The following DOCK4 variants were observed in gnomAD, a reference collection of about 807,000 sequenced individuals.
DOCK4 encodes dedicator of cytokinesis protein 4.
Under a neutral mutation model 268.1 loss-of-function variants are expected in DOCK4, and 97 were observed. The observed-to-expected ratio is 0.36, with a 90% CI of 0.31 to 0.43. DOCK4 has a LOEUF of 0.43. Ranked by LOEUF, DOCK4 falls within the 20% of genes least tolerant of loss-of-function variation. DOCK4 has a pLI of 1.00. For missense variants in DOCK4, 2,145 were observed against 2,455.7 expected, an observed-to-expected ratio of 0.87 and a Z score of 2.67; for synonymous variants, 954 against 887.2, an observed-to-expected ratio of 1.08 and a Z score of -1.34.
chr7:111,733,578 T>C lies in DOCK4; in HGVS notation c.5420-1291A>G, dbSNP rs535959002. 4.6e-5 allele frequency among the ~76,000 whole-genome samples: 7 copies of C among 152,304 alleles called. No homozygotes were observed. In the East Asian group the frequency reaches 1.4e-3, roughly 29 times the overall value. ...TGCCTTAACGGTGGTAGAAAGTTGA[T>C]TGTTCCCTAGGACCCTCTTCCTCCT... On this transcript the variant is annotated intron_variant, in intron 51 of 52. Transcript: ENST00000428084.
intron 12 of DOCK4, among the ~76,000 whole-genome samples, chr7:111,918,232 C>T (rs143386342): frequency 6.8e-4 from 103 of 152,266 alleles, no homozygotes; most frequent in African/African-American, 1.9e-3. Flanking sequence ...TCACACTTTC[C>T]GGTTTGTGTA....
chr7:112,138,834 G>A (rs1026289952), intron 1 of DOCK4, among the ~76,000 whole-genome samples: 1 of 152,114 alleles, frequency 6.6e-6, no homozygotes, highest in Admixed American at 6.6e-5. Context: ...GGCAGAGAAA[G>A]ATCTCTCTCC....
At chr7:111,898,789 TA>T (rs1159227122) in intron 15 of DOCK4, among the ~76,000 whole-genome samples, 3 of 152,082 alleles carry the variant, frequency 2.0e-5, no homozygotes, top group Admixed American at 2.0e-4. Context: ...TTATGAAGAT[TA>T]AAAGAAAAAA....
At chr7:111,848,375 C>T (rs1034609321) in intron 23 of DOCK4, among the ~76,000 whole-genome samples, 6 of 152,200 alleles carry the variant, frequency 3.9e-5, no homozygotes, top group Admixed American at 2.0e-4. Context: ...AAGGACCCCA[C>T]GCTTGGTGAA....
Position 112,143,428 on chromosome 7 carries a change from A to T in DOCK4, c.37+62674T>A, listed in dbSNP as rs188168163. Among the ~76,000 whole-genome samples the T allele has an allele frequency of 3.9e-4, 59 of 152,328 alleles. 1 individual carries two copies. The highest frequency in any genetic ancestry group is 8.5e-4 in the Admixed American group (13 of 15,304). On this transcript the variant is annotated intron_variant, in intron 1 of 52. Coordinates refer to ENST00000428084, the MANE Select transcript of DOCK4 (RefSeq NM_001363540.2). The stretch of plus-strand genomic sequence containing the variant: ...TGAATATTTATAAACCAAGACAAGC[A>T]GACGTCATTTAAATTGAAAAGGCAA...
In DOCK4 at chr7:111,868,014, G is replaced by C. The variant is rs1806115923; in HGVS notation, c.2250C>G (p.Ser750Arg). Residue 750 changes from serine (S) to arginine (R), a missense_variant, in exon 22 of 53, where the codon AGC becomes AGG. Physicochemically the swap from Ser to Arg is moderately radical, Grantham distance 110 (BLOSUM62 -1). Coordinates refer to ENST00000428084, the MANE Select transcript of DOCK4 (RefSeq NM_001363540.2). ...MSVRFFLSQESKGSGALSQSQ... is the reference protein window; with the variant it reads ...MSVRFFLSQERKGSGALSQSQ... ...ACTGAGATAATGCTCCAGACCCTTT[G>C]CTCTCTTGCGAAAGAAAGAAACGGA... 1.9e-6 allele frequency: 3 copies of C among 1,611,768 alleles called. No individual in the cohort carries two copies. Among genetic ancestry groups the C allele is most frequent in the Non-Finnish European group, 2.5e-6 (3 of 1,179,052 alleles).
intron 1 of DOCK4, among the ~76,000 whole-genome samples, chr7:112,107,965 A>G (rs974722057): frequency 6.6e-6 from 1 of 152,332 alleles, no homozygotes; most frequent in Admixed American, 6.5e-5. Context: ...CATAAAAGAG[A>G]AATCATCAAC....
intron 30 of DOCK4, among the ~76,000 whole-genome samples, chr7:111,804,929 C>T (rs1800565145): frequency 6.6e-6 from 1 of 152,104 alleles, no homozygotes; most frequent in Admixed American, 6.6e-5. Context: ...TATTTTACCA[C>T]AATTAAAAAA....
intron 36 of DOCK4, among the ~76,000 whole-genome samples, chr7:111,777,156 C>T (rs774559738): frequency 4.6e-5 from 7 of 152,146 alleles, no homozygotes; most frequent in Non-Finnish European, 1.0e-4. Context: ...ATATTTCTTG[C>T]TAGACACCAT....
chr7:111,774,834 A>G (rs1313111453), intron 36 of DOCK4, among the ~76,000 whole-genome samples: 1 of 152,228 alleles, frequency 6.6e-6, no homozygotes, highest in Non-Finnish European at 1.5e-5. Context: ...TAAATAATTT[A>G]GGCTGTGGTC....
At position 111,765,138 on chromosome 7, in the gene DOCK4, T is replaced by G; in HGVS notation, c.4000A>C (p.Lys1334Gln). 2 of 1,531,854 alleles carry G rather than the reference T, an allele frequency of 1.3e-6. No individual in the cohort carries two copies. The highest frequency in any genetic ancestry group is 1.8e-6 in the Non-Finnish European group (2 of 1,141,904). The allele number at this position is 1,531,854 out of a possible 1,614,324, so 94.9% of individuals were successfully genotyped here. Residue 1334 changes from lysine to glutamine, a missense_variant, in exon 39 of 53, where the codon AAA becomes CAA. Transcript: ENST00000428084. ...EFFRVGFYGK[K>Q]FPFFLRNKEF... is the part of the protein sequence containing the mutation. ...CTTACTCTTAAGAAAAATGGAAATT[T>G]TTTTCCATAAAATCCAACTCTGAAG...
intron 22 of DOCK4, among the ~76,000 whole-genome samples, chr7:111,865,525 A>T (rs371913194): frequency 2.0e-5 from 3 of 152,242 alleles, no homozygotes; most frequent in African/African-American, 7.2e-5. Flanking sequence ...ATTCAGAGCC[A>T]AATTTTATTT....
At chr7:111,869,417 C>G (rs1479236020) in intron 21 of DOCK4, 157 bp downstream of exon 21, 6 of 658,626 alleles carry the variant, frequency 9.1e-6, no homozygotes, top group African/African-American at 1.8e-5. Context: ...CAAATTTCAT[C>G]AGCTCTCAAG....
chr7:112,126,622 A>G (rs2116006626), intron 1 of DOCK4, among the ~76,000 whole-genome samples: 1 of 152,344 alleles, frequency 6.6e-6, no homozygotes, highest in Admixed American at 6.5e-5. Context: ...TCAACAGGCA[A>G]CCTACAAAAT....
At chr7:112,165,992 TAACTAAC>T (rs1817583655) in intron 1 of DOCK4, among the ~76,000 whole-genome samples, 1 of 151,982 alleles carries the variant, frequency 6.6e-6, no homozygotes, top group Non-Finnish European at 1.5e-5. Context: ...TACTGAGGAG[TAACTAAC>T]TGAACAGGCC....
chr7:112,002,335 T>C lies in DOCK4; in HGVS notation c.121+1713A>G, dbSNP rs527873943. Reference sequence around the variant, plus strand: ...CTTCTTGAGAATTGCAAAAATGTCATAGAGAGGTCTCTGTCCAATTATACT... The same window carrying C: ...CTTCTTGAGAATTGCAAAAATGTCACAGAGAGGTCTCTGTCCAATTATACT... On this transcript the variant is annotated intron_variant, in intron 2 of 52. Transcript: ENST00000428084. 9.2e-5 allele frequency among the ~76,000 whole-genome samples: 14 copies of C among 152,310 alleles called. No homozygotes were observed. In the East Asian group the frequency reaches 2.5e-3, roughly 27 times the overall value.
chr7:111,903,992 G>T (rs747460977), intron 13 of DOCK4, among the ~76,000 whole-genome samples: 4 of 152,108 alleles, frequency 2.6e-5, no homozygotes, highest in Non-Finnish European at 5.9e-5. Context: ...AACCACACAG[G>T]GATTAACTGT....
At chr7:111,979,926 T>C (rs1025137910) in intron 7 of DOCK4, among the ~76,000 whole-genome samples, 1 of 152,178 alleles carries the variant, frequency 6.6e-6, no homozygotes, top group Non-Finnish European at 1.5e-5. Flanking sequence ...GCCCAGGTCT[T>C]ATCTCAGAAC....
chr7:111,961,194 C>G (rs187802403), intron 8 of DOCK4, among the ~76,000 whole-genome samples: 75 of 152,252 alleles, frequency 4.9e-4, no homozygotes, highest in African/African-American at 1.5e-3. Flanking sequence ...TAAAAAAGAT[C>G]AAGGCCACAA....
Sources: allele counts gnomAD v4.1 joint callset (sites outside exome capture counted in the v4.1 genomes callset), GRCh38; gene constraint gnomAD v4.1.1; transcripts MANE v1.5; gene names NCBI Gene and HGNC (gene_info 2026-07-23, HGNC 2026-07-21).